Variants in PTPRK observed in about 807,000 individuals in gnomAD.
The protein encoded by PTPRK is protein tyrosine phosphatase receptor type K, also known as receptor-type tyrosine-protein phosphatase kappa.
Under a neutral mutation model 178.0 loss-of-function variants are expected in PTPRK, and 75 were observed. The ratio of observed to expected loss-of-function variants is 0.42; its 90% CI spans 0.35 to 0.51. The LOEUF is 0.51. Ranked by LOEUF, PTPRK falls within the 20% of genes least tolerant of loss-of-function variation. The pLI is 0.02. For missense variants in PTPRK, 1,441 were observed against 1,797.8 expected, an observed-to-expected ratio of 0.80 and a Z score of 3.59; for synonymous variants, 637 against 620.6, an observed-to-expected ratio of 1.03 and a Z score of -0.39.
rs1773749512 is a variant in PTPRK, at chr6:127,970,205, C to A, written c.*22G>T. 6.3e-7 allele frequency: 1 copy of A among 1,582,782 alleles called. No homozygotes were observed. The highest frequency in any genetic ancestry group is 1.1e-5 in the South Asian group (1 of 89,068). ...AGATGGACAGGTTTCTTCATGGATG[C>A]ACTTTAAAGAGTCTCACCCAACTAA... On this transcript the variant is annotated 3_prime_UTR_variant, in exon 30 of 30. Coordinates refer to ENST00000368226, the MANE Select transcript of PTPRK (RefSeq NM_002844.4).
intron 6 of PTPRK, among the ~76,000 whole-genome samples, chr6:128,216,321 G>C (rs1301500614): frequency 1.3e-5 from 2 of 152,004 alleles, no homozygotes; most frequent in African/African-American, 4.8e-5. Flanking sequence ...TGGATCACAA[G>C]GTCAGGAGTT....
chr6:128,420,306 T>C (rs1470241369), intron 1 of PTPRK, among the ~76,000 whole-genome samples: 1 of 152,254 alleles, frequency 6.6e-6, no homozygotes, highest in African/African-American at 2.4e-5. Context: ...CATAGGGAAA[T>C]TAATCAATAA....
At chr6:128,297,761 C>T (rs1325463390) in intron 3 of PTPRK, among the ~76,000 whole-genome samples, 5 of 152,076 alleles carry the variant, frequency 3.3e-5, no homozygotes, top group Non-Finnish European at 7.4e-5. Flanking sequence ...TAAATGCCCA[C>T]AAGAGAAAGC....
At chr6:128,433,844 C>A (rs1259233475) in intron 1 of PTPRK, among the ~76,000 whole-genome samples, 2 of 126,604 alleles carry the variant, frequency 1.6e-5, no homozygotes, top group Admixed American at 7.5e-5. Flanking sequence ...TTTTTTTTTA[C>A]AGACATTTAT....
At chr6:128,384,952 A>G (rs938500390) in intron 2 of PTPRK, among the ~76,000 whole-genome samples, 1 of 151,530 alleles carries the variant, frequency 6.6e-6, no homozygotes, top group African/African-American at 2.4e-5. Context: ...TATTATACAT[A>G]TTAAGTTTAT....
intron 13 of PTPRK, among the ~76,000 whole-genome samples, chr6:128,042,320 A>G (rs997069970): frequency 1.3e-5 from 2 of 152,100 alleles, no homozygotes; most frequent in African/African-American, 2.4e-5. Flanking sequence ...TGTGGGTTAA[A>G]ACAACACAAA....
At chr6:128,026,717 G>A (rs1330734743) in intron 13 of PTPRK, among the ~76,000 whole-genome samples, 1 of 152,036 alleles carries the variant, frequency 6.6e-6, no homozygotes, top group Non-Finnish European at 1.5e-5. Context: ...TATTCTTTTT[G>A]TATAGTACTT....
chr6:128,053,616 C>G (rs549540053), intron 13 of PTPRK, among the ~76,000 whole-genome samples: 3 of 152,084 alleles, frequency 2.0e-5, no homozygotes, highest in Non-Finnish European at 4.4e-5. Context: ...CAGTTCACCT[C>G]CACATGTGGA....
chr6:128,240,093 G>T lies in PTPRK; in HGVS notation c.635C>A (p.Ala212Asp). ...CCCTGTGGCAATGCACTGAAATGTA[G>T]CGTTTTGCCCTGCATTCACCTCTAC... ...GDVEVNAGQN[A>D]TFQCIATGRD... The change falls in exon 5 of 30, where the codon GCT becomes GAT. Residue 212 changes from alanine (A) to aspartate (D), a missense_variant. By Grantham distance (126) the Ala-to-Asp change is moderately radical (BLOSUM62 -2). This residue lies in a region of PTPRK where 945 missense variants were observed against 1,080.6 expected (regional missense o/e 0.87). Transcript: ENST00000368226. The T allele has an allele frequency of 6.2e-7, 1 of 1,614,116 alleles. No individual in the cohort carries two copies. Among genetic ancestry groups the T allele is most frequent in the East Asian group, 2.2e-5 (1 of 44,874 alleles).
intron 6 of PTPRK, among the ~76,000 whole-genome samples, chr6:128,189,145 C>G (rs1803280420): frequency 6.6e-6 from 1 of 151,548 alleles, no homozygotes; most frequent in Non-Finnish European, 1.5e-5. Context: ...GCAGAAAACA[C>G]TTCACCTACA....
intron 2 of PTPRK, among the ~76,000 whole-genome samples, chr6:128,337,160 T>G (rs2128328804): frequency 6.6e-6 from 1 of 152,258 alleles, no homozygotes; most frequent in African/African-American, 2.4e-5. Flanking sequence ...ATTATACAAC[T>G]TTTTAGTTAA....
chr6:127,972,619 C>A (rs898199502), intron 29 of PTPRK, among the ~76,000 whole-genome samples: 4 of 152,094 alleles, frequency 2.6e-5, no homozygotes, highest in African/African-American at 7.2e-5. Flanking sequence ...TAGATAATGA[C>A]AAAACTAAAT....
chr6:128,182,246 G>A (rs1428506087), intron 7 of PTPRK, among the ~76,000 whole-genome samples: 3 of 152,102 alleles, frequency 2.0e-5, no homozygotes, highest in Non-Finnish European at 2.9e-5. Context: ...TAAAAAGACA[G>A]TATAATTCCA....
At chr6:128,508,581 C>T (rs968844660) in intron 1 of PTPRK, among the ~76,000 whole-genome samples, 2 of 151,892 alleles carry the variant, frequency 1.3e-5, no homozygotes, top group Non-Finnish European at 2.9e-5. Context: ...ACAGTAGGAC[C>T]CCCTTACCCA....
At chr6:128,484,425 T>C (rs1852525001) in intron 1 of PTPRK, among the ~76,000 whole-genome samples, 1 of 152,174 alleles carries the variant, frequency 6.6e-6, no homozygotes, top group African/African-American at 2.4e-5. Context: ...TTTGTAATCT[T>C]AAATTTTAAA....
intron 7 of PTPRK, among the ~76,000 whole-genome samples, chr6:128,112,180 A>G (rs1483432763): frequency 6.6e-6 from 1 of 152,076 alleles, no homozygotes; most frequent in Non-Finnish European, 1.5e-5. Flanking sequence ...TAGTATCCAA[A>G]CTTTTTACTA....
At chr6:128,320,695 TTG>T (rs1476534801) in intron 3 of PTPRK, among the ~76,000 whole-genome samples, 1 of 152,104 alleles carries the variant, frequency 6.6e-6, no homozygotes, top group Non-Finnish European at 1.5e-5. Context: ...TGATAATGCA[TTG>T]TGAGAGTGAC....
intron 6 of PTPRK, among the ~76,000 whole-genome samples, chr6:128,200,353 C>T (rs929172382): frequency 2.6e-5 from 4 of 152,074 alleles, no homozygotes; most frequent in African/African-American, 9.7e-5. Context: ...CATGATTTGA[C>T]TTTTATCATG....
At chr6:128,359,483 G>T (rs1026670750) in intron 2 of PTPRK, among the ~76,000 whole-genome samples, 1 of 151,996 alleles carries the variant, frequency 6.6e-6, no homozygotes, top group Non-Finnish European at 1.5e-5. Flanking sequence ...CAGACGCAGT[G>T]GCTCACGCCT....
Sources: allele counts gnomAD v4.1 joint callset (sites outside exome capture counted in the v4.1 genomes callset), GRCh38; gene constraint gnomAD v4.1.1; regional missense constraint gnomAD v4.1.1; transcripts MANE v1.5; gene names NCBI Gene and HGNC (gene_info 2026-07-23, HGNC 2026-07-21).